Variants in CANX observed in about 807,000 individuals in gnomAD.
CANX encodes calnexin, also known as epididymis secretory sperm binding protein.
CANX carries 14 observed loss-of-function variants against 75.7 expected under a neutral mutation model. The ratio of observed to expected loss-of-function variants is 0.19; its 90% CI spans 0.12 to 0.29. CANX has a LOEUF of 0.29. Ranked by LOEUF, CANX falls within the 10% of genes least tolerant of loss-of-function variation. The pLI, the probability that CANX is intolerant of heterozygous loss-of-function variation, is 1.00. For synonymous variants in CANX, 227 were observed against 236.9 expected (o/e 0.96, Z 0.38); for missense variants, 567 against 713.2 (o/e 0.79, Z 2.34).
At chr5:179,684,919 A>ATT (rs1562433057) in intron 1 of CANX, among the ~76,000 whole-genome samples, 12 of 95,254 alleles carry the variant, frequency 1.3e-4, no homozygotes, top group African/African-American at 4.7e-4. Flanking sequence ...CACCTGGCTA[A>ATT]TTTTGTATTT....
chr5:179,720,585 T>G (rs1251514785), intron 10 of CANX, 25 bp downstream of exon 10: 1 of 1,607,784 alleles, frequency 6.2e-7, no homozygotes, highest in African/African-American at 1.3e-5. Context: ...ATGGTTGAGT[T>G]GCTTTCATTA....
intron 1 of CANX, chr5:179,699,760 G>A (rs1286656430): frequency 6.6e-6 from 1 of 152,276 alleles, no homozygotes; most frequent in Non-Finnish European, 1.5e-5. Context: ...TTCCACACCG[G>A]AGGCCTGGAG....
chr5:179,708,931 A>G (rs772110044), intron 5 of CANX, 47 bp from the exon 6 acceptor site: 1 of 960,536 alleles, frequency 1.0e-6, no homozygotes. Flanking sequence ...GAGAGTTTCG[A>G]TCTTTCAAAA....
rs1045601551 is a variant in CANX at position 179,688,456 on chromosome 5, CG to C, written c.-4+9682del. On this transcript the variant is annotated intron_variant, in intron 1 of 14. Coordinates refer to the CANX transcript ENST00000681674. ...TCGGTTCACTGCAAGCTCTGCCTCCCGGGTTCACGCCATTCTTCTGCCTTAG... is the reference window on the plus strand; with the variant it reads ...TCGGTTCACTGCAAGCTCTGCCTCCCGGTTCACGCCATTCTTCTGCCTTAG... Among the ~76,000 whole-genome samples the C allele has an allele frequency of 1.9e-4, 29 of 150,656 alleles. 1 individual carries two copies. Among genetic ancestry groups the C allele is most frequent in the Non-Finnish European group, 1.8e-4 (12 of 67,682 alleles).
intron 1 of CANX, among the ~76,000 whole-genome samples, chr5:179,692,731 G>A (rs1489598454): frequency 6.6e-6 from 1 of 152,020 alleles, no homozygotes; most frequent in East Asian, 2.0e-4. Context: ...GCCCAGGCTG[G>A]TCTCAAACTC....
At chr5:179,682,964 A>C (rs1043852707) in intron 1 of CANX, among the ~76,000 whole-genome samples, 19 of 152,174 alleles carry the variant, frequency 1.2e-4, no homozygotes, top group Non-Finnish European at 2.2e-4. Flanking sequence ...CAGTGGAAGG[A>C]AATGACGTCA....
chr5:179,686,924 C>T (rs2113038842), intron 1 of CANX, among the ~76,000 whole-genome samples: 1 of 152,104 alleles, frequency 6.6e-6, no homozygotes, highest in Non-Finnish European at 1.5e-5. Flanking sequence ...ACTACAGGTG[C>T]CTGCCACCAT....
upstream of CANX, among the ~76,000 whole-genome samples, chr5:179,697,935 C>G (rs1328256466): frequency 6.6e-6 from 1 of 152,066 alleles, no homozygotes; most frequent in African/African-American, 2.4e-5. Flanking sequence ...TTGGATGATA[C>G]TAACTCATGC....
At chr5:179,703,104 G>C (rs576126837) in intron 1 of CANX, among the ~76,000 whole-genome samples, 2 of 152,218 alleles carry the variant, frequency 1.3e-5, no homozygotes, top group African/African-American at 2.4e-5. Flanking sequence ...GTAGAGACAG[G>C]GTTTTGCCAT....
intron 13 of CANX, 111 bp from the exon 14 acceptor site, chr5:179,726,569 C>CT (rs1328869782): frequency 1.5e-6 from 1 of 678,972 alleles, no homozygotes; most frequent in African/African-American, 1.9e-5. Context: ...GAGCAAGACT[C>CT]TGTCTCCAAA....
chr5:179,722,995 G>A lies in CANX; in HGVS notation c.1374G>A (p.Lys458=). Reference sequence around the variant, plus strand: ...GGGCCAATGATGGATGGGGCCTGAAGAAAGCTGCTGATGGGGCTGCTGAGG... The same window carrying A: ...GGGCCAATGATGGATGGGGCCTGAAAAAAGCTGCTGATGGGGCTGCTGAGG... The part of the protein sequence containing the change: ...DDWANDGWGL[K]KAADGAAEPG... The change falls in exon 11 of 15, where the codon AAG becomes AAA. Residue 458 remains lysine, a synonymous_variant. Transcript: ENST00000247461. 1 of 1,614,122 alleles carries A rather than the reference G, an allele frequency of 6.2e-7. No individual in the cohort carries two copies. The highest frequency in any genetic ancestry group is 8.5e-7 in the Non-Finnish European group (1 of 1,179,964).
intron 13 of CANX, 55 bp from the exon 14 acceptor site, chr5:179,726,625 T>A: frequency 8.5e-7 from 1 of 1,180,372 alleles, no homozygotes; most frequent in Non-Finnish European, 1.2e-6. Context: ...CTAATGCTAA[T>A]ATATAATCAC....
intron 1 of CANX, among the ~76,000 whole-genome samples, chr5:179,702,882 G>C (rs1379638055): frequency 6.6e-6 from 1 of 152,052 alleles, no homozygotes; most frequent in Non-Finnish European, 1.5e-5. Flanking sequence ...CTATTCTCCT[G>C]CCTCAGCCTC....
intron 1 of CANX, among the ~76,000 whole-genome samples, chr5:179,688,120 C>T (rs537133830): frequency 8.7e-5 from 13 of 149,984 alleles, no homozygotes; most frequent in Admixed American, 6.0e-4. Flanking sequence ...TGCAGTGGCA[C>T]GATCTCGGCT....
In CANX at chr5:179,730,388, C is replaced by G. The variant is rs1778923605; in HGVS notation, c.*1744C>G. ...TCTGTTGTTCTGTGGTCACAGTGAC[C>G]TTAGCTACATAGCAGACTTTCCCAA... On this transcript the variant is annotated 3_prime_UTR_variant, in exon 15 of 15. Coordinates refer to ENST00000247461, the MANE Select transcript of CANX (RefSeq NM_001746.4). The G allele has an allele frequency of 6.6e-6, 1 of 152,084 alleles. No homozygotes were observed. Among genetic ancestry groups the G allele is most frequent in the Admixed American group, 6.6e-5 (1 of 15,258 alleles). 9.4% of individuals were successfully genotyped at this position (152,084 alleles called of 1,614,324 possible).
rs1444194219 is a variant in CANX, at chr5:179,731,062, A to T, written c.*2418A>T. The T allele has an allele frequency of 6.6e-6, 1 of 152,212 alleles. No homozygotes were observed. The highest frequency in any genetic ancestry group is 1.5e-5 in the Non-Finnish European group (1 of 68,034). The allele number at this position is 152,212 out of a possible 1,614,324, so 9.4% of individuals were successfully genotyped here. On this transcript the variant is annotated 3_prime_UTR_variant, in exon 15 of 15. Transcript: ENST00000247461. ...CAGAAACTATTATGGACAGTGAAAT[A>T]ATGACTTTTATCTCACCACGTGAGT...
upstream of CANX, among the ~76,000 whole-genome samples, chr5:179,695,243 T>C (rs1249184094): frequency 6.6e-6 from 1 of 152,084 alleles, no homozygotes; most frequent in East Asian, 1.9e-4. Flanking sequence ...TTTTTTTTAG[T>C]AGAGACGGGG....
At chr5:179,694,527 C>A (rs976263742), upstream of CANX, 8 of 768,006 alleles carry the variant, frequency 1.0e-5, no homozygotes, top group East Asian at 1.9e-4. Context: ...ATCCACAAAC[C>A]CTGGCATCTC....
chr5:179,722,778 A>G, intron 10 of CANX, 26 bp from the exon 11 acceptor site: 1 of 1,517,728 alleles, frequency 6.6e-7, no homozygotes, highest in Non-Finnish European at 9.1e-7. Context: ...ATCTGAAATG[A>G]TTTTCTGAAA....
Sources: gnomAD v4.1 joint callset for allele counts (sites outside exome capture counted in the v4.1 genomes callset) on GRCh38, gnomAD v4.1.1 for gene constraint, MANE v1.5 for transcripts, NCBI Gene and HGNC (gene_info 2026-07-23, HGNC 2026-07-21) for gene names.